Variants in ST3GAL2 observed in about 807,000 individuals in gnomAD.
The protein encoded by ST3GAL2 is ST3 beta-galactoside alpha-2,3-sialyltransferase 2.
In ST3GAL2, 16 loss-of-function variants were observed where a neutral mutation model predicts 37.5. That is an observed-to-expected ratio of 0.43 (90% confidence interval 0.29 to 0.65). The LOEUF is 0.65. Among genes scored for constraint, ST3GAL2 ranks in the 30% least tolerant of loss-of-function variants. The pLI is 0.17. For synonymous variants in ST3GAL2, 238 were observed against 202.9 expected (o/e 1.17, Z -1.47); for missense variants, 383 against 487.8 (o/e 0.79, Z 2.02).
At chr16:70,382,757 C>T (rs544857375) in intron 6 of ST3GAL2, 48 bp downstream of exon 6, 1 of 1,611,530 alleles carries the variant, frequency 6.2e-7, no homozygotes, top group Non-Finnish European at 8.5e-7. Context: ...AAGGCCTGCA[C>T]TCCTCTGTTC....
chr16:70,409,964 G>C (rs1024831951), intron 1 of ST3GAL2, among the ~76,000 whole-genome samples: 1 of 151,124 alleles, frequency 6.6e-6, no homozygotes, highest in Non-Finnish European at 1.5e-5. Flanking sequence ...ATGATGTCTT[G>C]CTATGTTGCC....
At chr16:70,406,209 C>T (rs1213224283) in intron 1 of ST3GAL2, among the ~76,000 whole-genome samples, 2 of 152,098 alleles carry the variant, frequency 1.3e-5, no homozygotes, top group South Asian at 2.1e-4. Context: ...TCTGGCAGGC[C>T]GAGGTGGGCA....
intron 1 of ST3GAL2, among the ~76,000 whole-genome samples, chr16:70,425,959 C>T (rs2047746785): frequency 6.6e-6 from 1 of 152,158 alleles, no homozygotes; most frequent in Admixed American, 6.5e-5. Context: ...GACTGCATGG[C>T]CTTCTGGGGT....
intron 1 of ST3GAL2, among the ~76,000 whole-genome samples, chr16:70,401,730 T>C (rs1295035476): frequency 1.3e-5 from 2 of 152,146 alleles, no homozygotes; most frequent in Admixed American, 6.5e-5. Flanking sequence ...CAATGGCTCA[T>C]GCCTATAATC....
chr16:70,413,151 G>C (rs1217805914), intron 1 of ST3GAL2, among the ~76,000 whole-genome samples: 1 of 152,092 alleles, frequency 6.6e-6, no homozygotes, highest in South Asian at 2.1e-4. Flanking sequence ...TCGGGAGGCT[G>C]AGACAGGAGA....
At chr16:70,394,125 T>C (rs1027681952) in intron 3 of ST3GAL2, among the ~76,000 whole-genome samples, 5 of 152,168 alleles carry the variant, frequency 3.3e-5, no homozygotes, top group African/African-American at 9.6e-5. Context: ...CAGGCCTTCA[T>C]TGCAGAGTCT....
At chr16:70,384,936 G>C (rs2047431928) in intron 4 of ST3GAL2, among the ~76,000 whole-genome samples, 1 of 151,646 alleles carries the variant, frequency 6.6e-6, no homozygotes, top group African/African-American at 2.4e-5. Context: ...TTGAACCCAG[G>C]AGGCAGAGGT....
rs1400290181 is a variant in ST3GAL2, at chr16:70,379,015, A to G, written c.*2674T>C. On this transcript the variant is annotated 3_prime_UTR_variant, in exon 7 of 7. Coordinates refer to ENST00000342907, the MANE Select transcript of ST3GAL2 (RefSeq NM_006927.4). ...TCTGTCTCAATAAATAAATAAATTA[A>G]ATAAATAAAAATGCGGGTTGCCTGT... 1 of 152,130 alleles carries G rather than the reference A, an allele frequency of 6.6e-6. No homozygotes were observed. The highest frequency in any genetic ancestry group is 1.5e-5 in the Non-Finnish European group (1 of 68,062). 9.4% of individuals were successfully genotyped at this position (152,130 alleles called of 1,614,324 possible). A position where few individuals can be genotyped will look rare whatever the true frequency, so the allele number is the denominator to read the frequency against.
At chr16:70,434,592 G>A (rs548403667) in intron 1 of ST3GAL2, among the ~76,000 whole-genome samples, 3 of 151,998 alleles carry the variant, frequency 2.0e-5, no homozygotes, top group South Asian at 4.1e-4. Context: ...GTCTGTTTGG[G>A]CACATCTGGT....
intron 1 of ST3GAL2, among the ~76,000 whole-genome samples, chr16:70,428,998 A>G (rs909494755): frequency 1.3e-5 from 2 of 152,228 alleles, no homozygotes; most frequent in Non-Finnish European, 2.9e-5. Flanking sequence ...GAAGGGAGGA[A>G]AGAGACCAGA....
chr16:70,430,447 G>T (rs1191063675), intron 1 of ST3GAL2, among the ~76,000 whole-genome samples: 1 of 152,232 alleles, frequency 6.6e-6, no homozygotes, highest in Non-Finnish European at 1.5e-5. Flanking sequence ...ATCTTGGGCT[G>T]CACCTCCTTG....
intron 3 of ST3GAL2, among the ~76,000 whole-genome samples, chr16:70,389,842 A>G (rs1167519859): frequency 1.3e-5 from 2 of 151,272 alleles, no homozygotes; most frequent in Admixed American, 1.3e-4. Flanking sequence ...GCTGGAGTGC[A>G]GTGTCACAAT....
rs1431056873 is a variant in ST3GAL2 at position 70,379,740 on chromosome 16, G to C, written c.*1949C>G. ...CGGTTCAAGGGATTCTCCTGCCTCA[G>C]CCTTCCAAGTAGCTGGGATTACAGG... On this transcript the variant is annotated 3_prime_UTR_variant, in exon 7 of 7. Transcript: ENST00000342907. 6.6e-6 allele frequency: 1 copy of C among 151,792 alleles called. No homozygotes were observed. Among genetic ancestry groups the C allele is most frequent in the East Asian group, 1.9e-4 (1 of 5,172 alleles). The allele number at this position is 151,792 out of a possible 1,614,324, so 9.4% of individuals were successfully genotyped here.
chr16:70,386,615 G>C (rs980207901), intron 4 of ST3GAL2, among the ~76,000 whole-genome samples: 2 of 151,898 alleles, frequency 1.3e-5, no homozygotes, highest in African/African-American at 4.8e-5. Flanking sequence ...GGGATTACAG[G>C]CATGAACCAC....
chr16:70,411,043 T>C (rs1567673222), intron 1 of ST3GAL2, among the ~76,000 whole-genome samples: 2 of 152,150 alleles, frequency 1.3e-5, no homozygotes. Context: ...CTCAGGTCAA[T>C]GAGACCCAAG....
At chr16:70,428,507 C>T (rs1405811283) in intron 1 of ST3GAL2, among the ~76,000 whole-genome samples, 1 of 152,228 alleles carries the variant, frequency 6.6e-6, no homozygotes, top group African/African-American at 2.4e-5. Flanking sequence ...GTGACCAGCC[C>T]AGGACAGCCA....
intron 1 of ST3GAL2, among the ~76,000 whole-genome samples, chr16:70,402,259 G>C (rs1011398076): frequency 7.0e-6 from 1 of 142,598 alleles, no homozygotes; most frequent in Non-Finnish European, 1.5e-5. Flanking sequence ...CTCTAGCCTG[G>C]GCAACAAGAG....
intron 4 of ST3GAL2, among the ~76,000 whole-genome samples, chr16:70,385,604 C>A (rs756999277): frequency 6.7e-6 from 1 of 149,102 alleles, no homozygotes; most frequent in Non-Finnish European, 1.5e-5. Context: ...TTGCCTAGGG[C>A]TCGGGGTGGG....
At chr16:70,405,370 T>C (rs1444392958) in intron 1 of ST3GAL2, among the ~76,000 whole-genome samples, 1 of 151,238 alleles carries the variant, frequency 6.6e-6, no homozygotes, top group Non-Finnish European at 1.5e-5. Flanking sequence ...TGAAACCCCA[T>C]CTCTACTAAA....
Sources: gnomAD v4.1 joint callset for allele counts (sites outside exome capture counted in the v4.1 genomes callset) on GRCh38, gnomAD v4.1.1 for gene constraint, MANE v1.5 for transcripts, NCBI Gene and HGNC (gene_info 2026-07-23, HGNC 2026-07-21) for gene names.